Variants in VRK1 observed in about 807,000 individuals in gnomAD.
The protein encoded by VRK1 is serine/threonine-protein kinase VRK1.
Under a neutral mutation model 57.1 loss-of-function variants are expected in VRK1, and 33 were observed. The ratio of observed to expected loss-of-function variants is 0.58; its 90% CI spans 0.44 to 0.77. The LOEUF (loss-of-function observed/expected upper bound fraction) is 0.77, where lower values mean the gene tolerates loss of function less well. Ranked by LOEUF, VRK1 falls within the 30% of genes least tolerant of loss-of-function variation. VRK1 has a pLI of 0.00. For synonymous variants in VRK1, 137 were observed against 147.8 expected (o/e 0.93, Z 0.53); for missense variants, 413 against 477.3 (o/e 0.87, Z 1.25).
chr14:96,800,942 G>C (rs935213899), intron 1 of VRK1, among the ~76,000 whole-genome samples: 1 of 152,046 alleles, frequency 6.6e-6, no homozygotes, highest in Non-Finnish European at 1.5e-5. Flanking sequence ...TACTGATAAT[G>C]GAAGGACACG....
intron 12 of VRK1, among the ~76,000 whole-genome samples, chr14:96,876,433 G>T (rs1304031932): frequency 6.6e-6 from 1 of 152,186 alleles, no homozygotes; most frequent in Non-Finnish European, 1.5e-5. Flanking sequence ...TACTCAGGAG[G>T]CTGAGGCAGG....
chr14:96,824,844 G>A (rs951143873), intron 1 of VRK1, among the ~76,000 whole-genome samples: 4 of 151,666 alleles, frequency 2.6e-5, no homozygotes, highest in Admixed American at 1.3e-4. Flanking sequence ...TAGTAGAGAC[G>A]GGATTTCACC....
intron 5 of VRK1, among the ~76,000 whole-genome samples, chr14:96,852,538 A>G (rs756932373): frequency 2.6e-5 from 4 of 152,180 alleles, no homozygotes; most frequent in Non-Finnish European, 4.4e-5. Flanking sequence ...TTTTATTTTT[A>G]CCGTGAATAA....
At chr14:96,859,648 TA>T (rs1566712578) in intron 10 of VRK1, among the ~76,000 whole-genome samples, 2 of 152,154 alleles carry the variant, frequency 1.3e-5, no homozygotes, top group Non-Finnish European at 2.9e-5. Flanking sequence ...AATGTGTGTA[TA>T]TATGCACACG....
chr14:96,880,365 C>G (rs753219752), intron 12 of VRK1, among the ~76,000 whole-genome samples: 3 of 152,152 alleles, frequency 2.0e-5, no homozygotes, highest in Non-Finnish European at 4.4e-5. Flanking sequence ...CTGTCCCTGA[C>G]TCTGGTGCCC....
At chr14:96,810,929 T>C (rs2139694965) in intron 1 of VRK1, among the ~76,000 whole-genome samples, 1 of 136,492 alleles carries the variant, frequency 7.3e-6, no homozygotes, top group Non-Finnish European at 1.6e-5. Context: ...CACCTGTTCT[T>C]CTGATTTTTT....
intron 10 of VRK1, among the ~76,000 whole-genome samples, chr14:96,860,260 TTTA>T (rs1266133606): frequency 6.6e-6 from 1 of 152,120 alleles, no homozygotes; most frequent in Admixed American, 6.5e-5. Context: ...TTTGTATTTT[TTTA>T]TAACTTTAAT....
intron 11 of VRK1, among the ~76,000 whole-genome samples, chr14:96,875,051 T>G (rs1888971146): frequency 6.6e-6 from 1 of 152,230 alleles, no homozygotes; most frequent in South Asian, 2.1e-4. Context: ...CAGACTTATT[T>G]TAGGCAACCA....
chr14:96,807,802 A>G (rs1566683278), intron 1 of VRK1, among the ~76,000 whole-genome samples: 1 of 152,166 alleles, frequency 6.6e-6, no homozygotes, highest in Non-Finnish European at 1.5e-5. Context: ...ACTAACTGCA[A>G]CTTTTAAAGA....
intron 12 of VRK1, among the ~76,000 whole-genome samples, chr14:96,880,372 G>T (rs1446072383): frequency 6.6e-6 from 1 of 152,154 alleles, no homozygotes; most frequent in Non-Finnish European, 1.5e-5. Flanking sequence ...TGACTCTGGT[G>T]CCCCTGCTCT....
chr14:96,863,889 C>T (rs974416251), intron 11 of VRK1, among the ~76,000 whole-genome samples: 3 of 152,116 alleles, frequency 2.0e-5, no homozygotes, highest in Non-Finnish European at 1.5e-5. Context: ...TGCAGCTGCT[C>T]CGGTGGACAG....
At chr14:96,854,003 C>T (rs181570537) in intron 7 of VRK1, among the ~76,000 whole-genome samples, 1 of 152,180 alleles carries the variant, frequency 6.6e-6, no homozygotes, top group East Asian at 1.9e-4. Flanking sequence ...TCCTTTGGCT[C>T]TCTTTTCTTT....
Position 96,881,263 on chromosome 14 carries a change from C to T in VRK1, c.*55C>T. ...CTTTGTTTTCTTTTGACTTTTTTCT[C>T]CTTTTCTATTTGAACTGTTTTATTT... is the stretch of plus-strand genomic sequence containing the variant. On this transcript the variant is annotated 3_prime_UTR_variant, in exon 13 of 13. Coordinates refer to ENST00000216639, the MANE Select transcript of VRK1 (RefSeq NM_003384.3). 6.7e-7 allele frequency: 1 copy of T among 1,499,420 alleles called. No individual in the cohort carries two copies. Among genetic ancestry groups the T allele is most frequent in the Non-Finnish European group, 9.1e-7 (1 of 1,096,084 alleles). 92.9% of individuals were successfully genotyped at this position (1,499,420 alleles called of 1,614,324 possible).
At chr14:96,848,065 A>G (rs933735579) in intron 5 of VRK1, among the ~76,000 whole-genome samples, 2 of 152,028 alleles carry the variant, frequency 1.3e-5, no homozygotes, top group African/African-American at 4.8e-5. Context: ...GGAACTGGGG[A>G]TATATTGCTT....
At chr14:96,804,675 T>C (rs1885800167) in intron 1 of VRK1, among the ~76,000 whole-genome samples, 1 of 152,162 alleles carries the variant, frequency 6.6e-6, no homozygotes, top group Admixed American at 6.5e-5. Flanking sequence ...ATGATAGAAA[T>C]GGTATTAAAG....
intron 10 of VRK1, among the ~76,000 whole-genome samples, chr14:96,858,465 A>G (rs1034008128): frequency 3.3e-5 from 5 of 152,184 alleles, no homozygotes; most frequent in African/African-American, 9.6e-5. Context: ...GTTACATACC[A>G]TTATGTATTT....
intron 11 of VRK1, among the ~76,000 whole-genome samples, chr14:96,864,947 C>T (rs1021428509): frequency 1.9e-4 from 28 of 149,930 alleles, no homozygotes; most frequent in Admixed American, 6.0e-4. Context: ...GGGTCGTTAG[C>T]TTTCTTTTGA....
chr14:96,877,260 A>G (rs1440726726), intron 12 of VRK1: 1 of 263,580 alleles, frequency 3.8e-6, no homozygotes, highest in Non-Finnish European at 7.7e-6. Flanking sequence ...TTCAACTTTC[A>G]AAGAGAATCA....
intron 5 of VRK1, among the ~76,000 whole-genome samples, chr14:96,851,563 T>G (rs1377584241): frequency 6.6e-6 from 1 of 152,364 alleles, no homozygotes; most frequent in South Asian, 2.1e-4. Context: ...CAAAAATGAA[T>G]AGAATTCTGA....
Sources: allele counts gnomAD v4.1 joint callset (sites outside exome capture counted in the v4.1 genomes callset), GRCh38; gene constraint gnomAD v4.1.1; transcripts MANE v1.5; gene names NCBI Gene and HGNC (gene_info 2026-07-23, HGNC 2026-07-21).